SCFD2: variants seen among roughly 807,000 people sequenced by gnomAD.
SCFD2 encodes sec1 family domain-containing protein 2.
In SCFD2, 54 loss-of-function variants were observed where a neutral mutation model predicts 58.9. The ratio of observed to expected loss-of-function variants is 0.92; its 90% confidence interval spans 0.74 to 1.15. The LOEUF (loss-of-function observed/expected upper bound fraction) is 1.15, where lower values mean the gene tolerates loss of function less well. Among genes scored for constraint, SCFD2 ranks in the 50% most tolerant of loss-of-function variants. The pLI, the probability that SCFD2 is intolerant of heterozygous loss-of-function variation, is 0.00. For missense variants in SCFD2, 805 were observed against 836.6 expected (o/e 0.96, Z 0.47); for synonymous variants, 321 against 335.9 (o/e 0.96, Z 0.49).
chr4:53,321,437 G>C (rs1178510221), intron 2 of SCFD2, among the ~76,000 whole-genome samples: 1 of 151,996 alleles, frequency 6.6e-6, no homozygotes, highest in Non-Finnish European at 1.5e-5. Flanking sequence ...TAAGAGATGA[G>C]GGTGAAATGT....
At chr4:52,916,164 C>CA (rs1719596802) in intron 6 of SCFD2, among the ~76,000 whole-genome samples, 4 of 152,264 alleles carry the variant, frequency 2.6e-5, no homozygotes, top group African/African-American at 9.6e-5. Context: ...TGCCTAATAT[C>CA]CTCCTGGTGT....
intron 4 of SCFD2, among the ~76,000 whole-genome samples, chr4:53,207,863 G>A (rs1399933925): frequency 6.6e-6 from 1 of 150,958 alleles, no homozygotes. Context: ...CCCCAGCCAT[G>A]CTTCCTGTAC....
intron 5 of SCFD2, among the ~76,000 whole-genome samples, chr4:53,000,471 T>C (rs1721838530): frequency 6.6e-6 from 1 of 152,192 alleles, no homozygotes; most frequent in Non-Finnish European, 1.5e-5. Flanking sequence ...TTCATGTTTA[T>C]ACTATCTGTG....
chr4:53,177,321 C>T (rs1727369046), intron 4 of SCFD2, among the ~76,000 whole-genome samples: 1 of 152,046 alleles, frequency 6.6e-6, no homozygotes, highest in South Asian at 2.1e-4. Flanking sequence ...ACCCAATCCA[C>T]AATTGAGGTA....
At chr4:53,225,374 G>T (rs1451354985) in intron 4 of SCFD2, among the ~76,000 whole-genome samples, 2 of 151,978 alleles carry the variant, frequency 1.3e-5, no homozygotes, top group Admixed American at 6.6e-5. Flanking sequence ...TTTTTCATAT[G>T]CTTATTAGCC....
intron 3 of SCFD2, among the ~76,000 whole-genome samples, chr4:53,284,533 T>C (rs1173493157): frequency 7.2e-6 from 1 of 139,616 alleles, no homozygotes; most frequent in Non-Finnish European, 1.6e-5. Context: ...TAAAATAATA[T>C]GTCTCATGTA....
intron 5 of SCFD2, among the ~76,000 whole-genome samples, chr4:53,109,906 C>A (rs1253796370): frequency 6.6e-6 from 1 of 151,982 alleles, no homozygotes; most frequent in Admixed American, 6.6e-5. Context: ...GCCTGTATAG[C>A]CAAGACAATC....
At chr4:53,335,190 G>T (rs146044478) in intron 2 of SCFD2, among the ~76,000 whole-genome samples, 1,086 of 46,458 alleles carry the variant, frequency 0.023, 21 homozygotes, top group African/African-American at 0.074. Flanking sequence ...ATGAGACTCC[G>T]TCTCAAAAAA....
chr4:53,207,764 C>CT (rs1728481098), intron 4 of SCFD2, among the ~76,000 whole-genome samples: 1 of 143,184 alleles, frequency 7.0e-6, no homozygotes, highest in South Asian at 2.3e-4. Flanking sequence ...GTAGCACCTC[C>CT]TCCTTCTCTC....
At chr4:52,996,355 G>A (rs751701385) in intron 5 of SCFD2, among the ~76,000 whole-genome samples, 2 of 152,228 alleles carry the variant, frequency 1.3e-5, no homozygotes, top group Non-Finnish European at 1.5e-5. Context: ...GAGTGGAGTC[G>A]CCTGACCGTC....
chr4:53,348,077 C>G (rs1242987063), intron 2 of SCFD2, among the ~76,000 whole-genome samples: 1 of 152,176 alleles, frequency 6.6e-6, no homozygotes, highest in Non-Finnish European at 1.5e-5. Context: ...TGAAATACTC[C>G]ACATAATCCA....
At chr4:53,254,860 A>AT (rs375734244) in intron 4 of SCFD2, among the ~76,000 whole-genome samples, 1 of 47,512 alleles carries the variant, frequency 2.1e-5, no homozygotes, top group Admixed American at 2.6e-4. Flanking sequence ...ATTTTATTTT[A>AT]TTTATTTTAT....
intron 4 of SCFD2, among the ~76,000 whole-genome samples, chr4:53,173,733 T>G (rs1265281243): frequency 6.6e-6 from 1 of 152,130 alleles, no homozygotes; most frequent in Non-Finnish European, 1.5e-5. Context: ...TCTATTTCAG[T>G]TTTGTACTTC....
chr4:53,249,113 G>T (rs1730243767), intron 4 of SCFD2, among the ~76,000 whole-genome samples: 1 of 152,196 alleles, frequency 6.6e-6, no homozygotes, highest in Non-Finnish European at 1.5e-5. Flanking sequence ...GTGCTTAAAG[G>T]AGCTGATGGA....
At chr4:53,348,249 T>C in intron 2 of SCFD2, among the ~76,000 whole-genome samples, 1 of 152,384 alleles carries the variant, frequency 6.6e-6, no homozygotes, top group South Asian at 2.1e-4. Flanking sequence ...ATAAAAATTA[T>C]CTTAGCAAAT....
chr4:53,107,908 A>G (rs1725052780), intron 5 of SCFD2, among the ~76,000 whole-genome samples: 1 of 152,206 alleles, frequency 6.6e-6, no homozygotes, highest in African/African-American at 2.4e-5. Context: ...TCCACCCCAA[A>G]TCAACAGAAT....
intron 4 of SCFD2, among the ~76,000 whole-genome samples, chr4:53,200,284 A>G (rs1728189147): frequency 6.6e-6 from 1 of 152,060 alleles, no homozygotes; most frequent in Non-Finnish European, 1.5e-5. Flanking sequence ...TAAGAAACAG[A>G]GTCATTGCAA....
chr4:53,298,087 G>A (rs542071643), intron 3 of SCFD2, among the ~76,000 whole-genome samples: 29 of 152,180 alleles, frequency 1.9e-4, no homozygotes, highest in South Asian at 1.3e-3. Flanking sequence ...GGGGAGTGCC[G>A]GACAGTGGGT....
At chr4:53,133,763 T>TC (rs1193915049) in intron 5 of SCFD2, among the ~76,000 whole-genome samples, 43 of 152,156 alleles carry the variant, frequency 2.8e-4, no homozygotes, top group Non-Finnish European at 5.3e-4. Flanking sequence ...CTCAACTCCT[T>TC]CCTCATTCAC....
Sources: gnomAD v4.1 joint callset for allele counts (sites outside exome capture counted in the v4.1 genomes callset) on GRCh38, gnomAD v4.1.1 for gene constraint, MANE v1.5 for transcripts, NCBI Gene and HGNC (gene_info 2026-07-23, HGNC 2026-07-21) for gene names.